Variants in MMP12 observed in about 807,000 individuals in gnomAD.
The protein encoded by MMP12 is matrix metallopeptidase 12.
A neutral mutation model predicts 45.2 loss-of-function variants in MMP12; 51 were observed. The observed-to-expected ratio is 1.13, with a 90% CI of 0.90 to 1.42. MMP12 has a LOEUF of 1.42. MMP12 is among the 40% of genes most tolerant of loss of function. MMP12 has a pLI of 0.00. For synonymous variants in MMP12, 210 were observed against 193.3 expected, an observed-to-expected ratio of 1.09 and a Z score of -0.72; for missense variants, 530 against 570.8, an observed-to-expected ratio of 0.93 and a Z score of 0.73.
In MMP12 at chr11:102,864,212, T is replaced by C. The variant is rs200663268; in HGVS notation, c.1246A>G (p.Lys416Glu). ...RRQMMDPGYP[K>E]LITKNFQGIG... ...CCTTGGAAGTTCTTGGTAATCAGTT[T>C]GGGATAACCAGGGTCCATCATCTGT... Residue 416 changes from lysine to glutamate, a missense_variant, in exon 9 of 10, where the codon AAA (lysine) becomes GAA (glutamate). Physicochemically the swap from Lys to Glu is moderately conservative, Grantham distance 56. Transcript: ENST00000571244. 1.2e-6 allele frequency: 2 copies of C among 1,613,752 alleles called. No homozygotes were observed. Among genetic ancestry groups the C allele is most frequent in the Non-Finnish European group, 1.7e-6 (2 of 1,179,830 alleles).
chr11:102,864,066 A>T (rs1555008165), intron 9 of MMP12, 80 bp downstream of exon 9: 4 of 1,082,594 alleles, frequency 3.7e-6, no homozygotes, highest in Non-Finnish European at 5.5e-6. Context: ...TCCAATTTGG[A>T]GCCCTATTCT....
At chr11:102,873,287 C>A (rs1432895592) in intron 1 of MMP12, among the ~76,000 whole-genome samples, 175 bp from the exon 2 acceptor site, 2 of 152,042 alleles carry the variant, frequency 1.3e-5, no homozygotes, top group Non-Finnish European at 2.9e-5. Context: ...GGAAAAAAAA[C>A]CTTAATTTTT....
At chr11:102,868,179 C>A in intron 4 of MMP12, 110 bp from the exon 5 acceptor site, 1 of 1,010,868 alleles carries the variant, frequency 9.9e-7, no homozygotes. Flanking sequence ...TTACTTATTT[C>A]TTTACCCTTT....
intron 8 of MMP12, among the ~76,000 whole-genome samples, chr11:102,864,849 G>T (rs528226456): frequency 1.3e-5 from 2 of 152,262 alleles, no homozygotes; most frequent in Admixed American, 6.5e-5. Flanking sequence ...TTATCAATTT[G>T]GTTCTCTAAG....
In MMP12 at chr11:102,865,611, G is replaced by T. The variant is rs1388448953; in HGVS notation, c.1205+165C>A. Among the ~76,000 whole-genome samples the T allele has an allele frequency of 5.3e-5, 8 of 151,826 alleles. No homozygotes were observed. Among genetic ancestry groups the T allele is most frequent in the African/African-American group, 1.9e-4 (8 of 41,320 alleles). ...ATATATCAGAAACCAAAAACACAAA[G>T]AACTAAGTTGACAATAACTATTTCA... On this transcript the variant is annotated intron_variant, in intron 8 of 9. Transcript: ENST00000571244. The surrounding 1 kb of genome is among the most constrained non-coding windows in gnomAD (Gnocchi z 4.1).
In MMP12 at chr11:102,867,302, G is replaced by A. The variant is rs571598878; in HGVS notation, c.879C>T (p.Thr293=). ...TGAAGAAAAAGATCTTATTTCCCACGGTAGTGACAGCATCAAAACTCAAAT... is the reference window on the plus strand; with the variant it reads ...TGAAGAAAAAGATCTTATTTCCCACAGTAGTGACAGCATCAAAACTCAAAT... ...DPNLSFDAVT[T]VGNKIFFFKD... is the part of the protein sequence containing the mutation. The change falls in exon 6 of 10, where the codon ACC becomes ACT. Residue 293 remains threonine (T), a synonymous_variant. Transcript: ENST00000571244. 39 of 1,607,292 alleles carry A rather than the reference G, an allele frequency of 2.4e-5. No individual in the cohort carries two copies. The highest frequency in any genetic ancestry group is 2.4e-4 in the African/African-American group (18 of 74,920).
chr11:102,870,050 T>C (rs1859465148), intron 4 of MMP12, among the ~76,000 whole-genome samples: 1 of 152,212 alleles, frequency 6.6e-6, no homozygotes, highest in Non-Finnish European at 1.5e-5. Flanking sequence ...TAAGGCAATA[T>C]GGACAGATAG....
intron 4 of MMP12, 132 bp from the exon 5 acceptor site, chr11:102,868,201 T>C (rs1425611624): frequency 1.3e-6 from 1 of 788,508 alleles, no homozygotes; most frequent in South Asian, 1.8e-5. Context: ...GAGTTGGGTT[T>C]CTCAATCTCA....
At position 102,865,959 on chromosome 11, in the gene MMP12, A is replaced by G. The variant is rs1555008472; in HGVS notation, c.1046-24T>C. On this transcript the variant is annotated intron_variant, in intron 7 of 9. Transcript: ENST00000571244. This position sits in a 1 kb window ranked among gnomAD's most constrained non-coding sequence, Gnocchi z 4.1. ...ATCTGTGAAGACAAAGAAATAGGGT[A>G]AATTTGAATTATACAGGAAGAGTAA... 6.4e-7 allele frequency: 1 copy of G among 1,562,768 alleles called. No individual in the cohort carries two copies. The highest frequency in any genetic ancestry group is 1.8e-5 in the Admixed American group (1 of 57,090).
rs1859508529 is a variant in MMP12 at position 102,872,021 on chromosome 11, A to AT, written c.351-70dup. 6 of 1,438,504 alleles carry AT rather than the reference A, an allele frequency of 4.2e-6. No individual in the cohort carries two copies. In the Admixed American group the frequency reaches 1.3e-4, roughly 32 times the overall value. The allele number at this position is 1,438,504 out of a possible 1,614,324, so 89.1% of individuals were successfully genotyped here. ...TTATTTTGTCTTACCACAATACTTC[A>AT]TTTTTGCTAGCACAATTGGAAAATG... On this transcript the variant is annotated intron_variant, in intron 2 of 9. Coordinates refer to ENST00000571244, the MANE Select transcript of MMP12 (RefSeq NM_002426.6).
intron 5 of MMP12, 69 bp from the exon 6 acceptor site, chr11:102,867,462 G>C (rs1859413291): frequency 7.3e-7 from 1 of 1,374,810 alleles, no homozygotes; most frequent in Non-Finnish European, 9.7e-7. Flanking sequence ...GAACAGTTAT[G>C]TTTTAAATAC....
At position 102,872,879 on chromosome 11, in the gene MMP12, A is replaced by G; in HGVS notation, c.336T>C (p.His112=). 2 of 1,613,818 alleles carry G rather than the reference A, an allele frequency of 1.2e-6. No individual in the cohort carries two copies. Among genetic ancestry groups the G allele is most frequent in the Non-Finnish European group, 1.7e-6 (2 of 1,179,848 alleles). Residue 112 remains histidine, a synonymous_variant, in exon 2 of 10, where the codon CAT becomes CAC. Transcript: ENST00000571244. ...EMPGGPVWRK[H]YITYRINNYT... Reference sequence around the variant, plus strand: ...ACCAACGTTACCTGTAGGTGATATAATGTTTCCTCCATACGGGCCCCCCTG... The same window carrying G: ...ACCAACGTTACCTGTAGGTGATATAGTGTTTCCTCCATACGGGCCCCCCTG...
Position 102,862,945 on chromosome 11 carries a change from A to G in MMP12, c.*155T>C, listed in dbSNP as rs200186664. 41 of 460,038 alleles carry G rather than the reference A, an allele frequency of 8.9e-5. No individual in the cohort carries two copies. The highest frequency in any genetic ancestry group is 1.4e-4 in the Non-Finnish European group (38 of 265,434). The allele number at this position is 460,038 out of a possible 1,614,324, so 28.5% of individuals were successfully genotyped here. On this transcript the variant is annotated 3_prime_UTR_variant, in exon 10 of 10. Coordinates refer to ENST00000571244, the MANE Select transcript of MMP12 (RefSeq NM_002426.6). ...CAATTAGAGTTTTCAAAATTGAAAA[A>G]TATTATGTATTTTATATAATCATTA...
intron 4 of MMP12, among the ~76,000 whole-genome samples, chr11:102,869,902 G>C (rs974019181): frequency 6.6e-6 from 1 of 152,172 alleles, no homozygotes; most frequent in Non-Finnish European, 1.5e-5. Context: ...CTGGGCAACA[G>C]AGCAAGACTC....
At chr11:102,866,884 A>G (rs1267525652) in intron 6 of MMP12, among the ~76,000 whole-genome samples, 3 of 152,198 alleles carry the variant, frequency 2.0e-5, no homozygotes, top group African/African-American at 4.8e-5. Context: ...GAAAGAAACC[A>G]TAAGTTATCC....
chr11:102,867,789 G>C, intron 5 of MMP12, 119 bp downstream of exon 5: 2 of 1,037,036 alleles, frequency 1.9e-6, no homozygotes, highest in African/African-American at 1.6e-5. Context: ...TGCCACACAG[G>C]GTTCTTATGC....
chr11:102,866,615 T>C (rs1250612425), intron 6 of MMP12, among the ~76,000 whole-genome samples, 167 bp from the exon 7 acceptor site: 3 of 152,152 alleles, frequency 2.0e-5, no homozygotes, highest in Admixed American at 6.5e-5. Context: ...AGGATATCAA[T>C]CAACTCTTTG....
In MMP12 at chr11:102,871,583, G is replaced by A; in HGVS notation, c.625+11C>T. The A allele has an allele frequency of 1.3e-6, 2 of 1,550,382 alleles. No individual in the cohort carries two copies. The highest frequency in any genetic ancestry group is 1.2e-5 in the South Asian group (1 of 83,590). ...TAGTTTTTTGTTTGTTTGTTTGTTT[G>A]TTTTGCCCACCTCCTGAATGTGTAG... On this transcript the variant is annotated intron_variant, in intron 4 of 9. Transcript: ENST00000571244.
chr11:102,868,471 T>G (rs544281491), intron 4 of MMP12, among the ~76,000 whole-genome samples: 15 of 152,346 alleles, frequency 9.8e-5, no homozygotes, highest in African/African-American at 3.6e-4. Context: ...CAGTTTTCAT[T>G]GCTTCTAAAT....
Sources: allele counts gnomAD v4.1 joint callset (sites outside exome capture counted in the v4.1 genomes callset), GRCh38; gene constraint gnomAD v4.1.1; non-coding constraint Gnocchi (gnomAD v3.1); transcripts MANE v1.5; gene names NCBI Gene and HGNC (gene_info 2026-07-23, HGNC 2026-07-21).